CACNA2D3: variants seen among roughly 807,000 people sequenced by gnomAD.
The protein encoded by CACNA2D3 is voltage-dependent calcium channel subunit alpha-2/delta-3.
A neutral mutation model predicts 160.6 loss-of-function variants in CACNA2D3; 60 were observed. The observed-to-expected ratio is 0.37, with a 90% CI of 0.30 to 0.46. The LOEUF is 0.46. Among genes scored for constraint, CACNA2D3 ranks in the 20% least tolerant of loss-of-function variants. The pLI is 1.00. For missense variants in CACNA2D3, 1,205 were observed against 1,365.0 expected, an observed-to-expected ratio of 0.88 and a Z score of 1.85; for synonymous variants, 558 against 492.9, an observed-to-expected ratio of 1.13 and a Z score of -1.75.
chr3:54,800,400 C>T (rs1485769682), intron 13 of CACNA2D3, among the ~76,000 whole-genome samples: 2 of 152,218 alleles, frequency 1.3e-5, no homozygotes, highest in African/African-American at 4.8e-5. Context: ...TCCAGCTCCC[C>T]CACATTACCA....
At chr3:54,442,894 A>T (rs1700166289) in intron 4 of CACNA2D3, among the ~76,000 whole-genome samples, 1 of 152,194 alleles carries the variant, frequency 6.6e-6, no homozygotes. Flanking sequence ...AGGGTCAGAG[A>T]CTAAATGGGG....
At chr3:55,071,094 G>A (rs899803371) in intron 35 of CACNA2D3, among the ~76,000 whole-genome samples, 2 of 151,870 alleles carry the variant, frequency 1.3e-5, no homozygotes, top group African/African-American at 4.8e-5. Context: ...ATACTTTTTG[G>A]TATGAACTCT....
chr3:54,373,577 CTG>C (rs1698961918), intron 3 of CACNA2D3, among the ~76,000 whole-genome samples: 1 of 152,170 alleles, frequency 6.6e-6, no homozygotes. Flanking sequence ...GCACTGTAGG[CTG>C]TGTGGTCCAG....
chr3:54,272,074 C>A (rs568865440), intron 2 of CACNA2D3, among the ~76,000 whole-genome samples: 2 of 152,244 alleles, frequency 1.3e-5, no homozygotes, highest in Admixed American at 1.3e-4. Context: ...TTGAGTGTCT[C>A]TTAAGTGCTG....
intron 35 of CACNA2D3, among the ~76,000 whole-genome samples, chr3:55,048,753 A>G (rs57994242): frequency 6.6e-5 from 9 of 135,678 alleles, no homozygotes; most frequent in Non-Finnish European, 6.4e-5. Flanking sequence ...TGGTTGGTAA[A>G]CTATTGATTA....
At position 54,301,266 on chromosome 3, in the gene CACNA2D3, A is replaced by AAACAAC. The variant is rs57134946; in HGVS notation, c.205-19164_205-19159dup. On this transcript the variant is annotated intron_variant, in intron 2 of 37. Coordinates refer to ENST00000474759, the MANE Select transcript of CACNA2D3 (RefSeq NM_018398.3). ...AGCGAGATCCTGTCTCAAAACAAAC[A>AAACAAC]AACAACAACAACAACAAACAAACAA... Among the ~76,000 whole-genome samples the AAACAAC allele has an allele frequency of 4.2e-3, 635 of 150,444 alleles. 5 individuals are homozygous for AAACAAC. The highest frequency in any genetic ancestry group is 0.015 in the African/African-American group (599 of 40,772).
intron 2 of CACNA2D3, among the ~76,000 whole-genome samples, chr3:54,169,659 G>T (rs1700523512): frequency 6.6e-6 from 1 of 150,404 alleles, no homozygotes; most frequent in Non-Finnish European, 1.5e-5. Context: ...GTGCATGTGT[G>T]TGCGTGCGTG....
chr3:54,338,252 C>T (rs963865580), intron 3 of CACNA2D3, among the ~76,000 whole-genome samples: 1 of 152,156 alleles, frequency 6.6e-6, no homozygotes, highest in Non-Finnish European at 1.5e-5. Context: ...GTGATGGGTG[C>T]ACAGGAATAA....
At chr3:54,615,616 GGTTT>G (rs1482796383) in intron 9 of CACNA2D3, among the ~76,000 whole-genome samples, 1 of 152,174 alleles carries the variant, frequency 6.6e-6, no homozygotes, top group African/African-American at 2.4e-5. Flanking sequence ...AGTGAAACGT[GGTTT>G]GTTTTTAAAA....
At chr3:54,721,011 A>G (rs1701158811) in intron 11 of CACNA2D3, among the ~76,000 whole-genome samples, 1 of 152,192 alleles carries the variant, frequency 6.6e-6, no homozygotes, top group African/African-American at 2.4e-5. Context: ...TAATCTAAAA[A>G]AGGCAAAATA....
At chr3:54,714,968 C>G (rs1457310730) in intron 11 of CACNA2D3, among the ~76,000 whole-genome samples, 2 of 152,152 alleles carry the variant, frequency 1.3e-5, no homozygotes, top group Non-Finnish European at 2.9e-5. Flanking sequence ...CTCCACACAC[C>G]AAGCAATCAA....
chr3:54,349,740 T>A (rs1221983160), intron 3 of CACNA2D3, among the ~76,000 whole-genome samples: 4 of 152,206 alleles, frequency 2.6e-5, no homozygotes, highest in Non-Finnish European at 5.9e-5. Context: ...CAGGCCCATC[T>A]TGGCTTTCTC....
chr3:54,726,440 G>A (rs578160654), intron 11 of CACNA2D3, among the ~76,000 whole-genome samples: 2 of 152,236 alleles, frequency 1.3e-5, no homozygotes, highest in South Asian at 4.2e-4. Flanking sequence ...CCAAAAAAGA[G>A]CCTACATAGC....
At chr3:54,708,457 G>C (rs1299577840) in intron 11 of CACNA2D3, among the ~76,000 whole-genome samples, 1 of 152,150 alleles carries the variant, frequency 6.6e-6, no homozygotes, top group East Asian at 1.9e-4. Context: ...ACACTTCTTC[G>C]AAAGGATGGA....
chr3:54,413,417 TAG>T (rs200494959), intron 4 of CACNA2D3, among the ~76,000 whole-genome samples: 16,488 of 138,114 alleles, frequency 0.12, 1,019 homozygotes, highest in African/African-American at 0.17. Context: ...TCTATATATA[TAG>T]ATATCTATAT....
chr3:54,460,775 T>C (rs140983992), intron 4 of CACNA2D3, among the ~76,000 whole-genome samples: 1,974 of 151,952 alleles, frequency 0.013, 45 homozygotes, highest in African/African-American at 0.046. Flanking sequence ...ATTTCCTTGT[T>C]CTGCCTAATT....
chr3:54,132,667 A>T (rs1699736100), intron 2 of CACNA2D3, among the ~76,000 whole-genome samples: 1 of 152,224 alleles, frequency 6.6e-6, no homozygotes, highest in South Asian at 2.1e-4. Flanking sequence ...GATAGGAAAA[A>T]AATATGTATA....
chr3:54,875,321 T>C (rs1049447133), intron 18 of CACNA2D3: 7 of 152,178 alleles, frequency 4.6e-5, no homozygotes, highest in African/African-American at 1.7e-4. Context: ...TGCTCAAGTC[T>C]GTTTTCCTAC....
intron 29 of CACNA2D3, among the ~76,000 whole-genome samples, chr3:54,982,533 G>C (rs1676180448): frequency 6.6e-6 from 1 of 152,200 alleles, no homozygotes; most frequent in South Asian, 2.1e-4. Context: ...TCACCAGAAA[G>C]ATGTTACTGG....
Sources: gnomAD v4.1 joint callset for allele counts (sites outside exome capture counted in the v4.1 genomes callset) on GRCh38, gnomAD v4.1.1 for gene constraint, MANE v1.5 for transcripts, NCBI Gene and HGNC (gene_info 2026-07-23, HGNC 2026-07-21) for gene names.